The following SBF2 variants were observed in gnomAD, a reference collection of about 807,000 sequenced individuals.
SBF2 encodes SET binding factor 2.
Under a neutral mutation model 225.2 loss-of-function variants are expected in SBF2, and 112 were observed. The ratio of observed to expected loss-of-function variants is 0.50; its 90% CI spans 0.43 to 0.58. SBF2 has a LOEUF of 0.58. Ranked by LOEUF, SBF2 falls within the 20% of genes least tolerant of loss-of-function variation. The pLI is 0.00. For missense variants in SBF2, 1,996 were observed against 2,206.2 expected (o/e 0.90, Z 1.91); for synonymous variants, 763 against 773.3 (o/e 0.99, Z 0.22).
intron 2 of SBF2, among the ~76,000 whole-genome samples, chr11:10,153,013 T>C (rs1591078369): frequency 6.6e-6 from 1 of 152,208 alleles, no homozygotes; most frequent in Non-Finnish European, 1.5e-5. Flanking sequence ...GAGGCTTTCA[T>C]AGAAAAATAA....
Position 10,303,036 on chromosome 11 carries a change from GATCTGCGCGAAGAGCTTGACTCGC to G in SBF2, n.386+1432_386+1455del, listed in dbSNP as rs1216896749. 5.9e-5 allele frequency: 9 copies of G among 152,310 alleles called. No individual in the cohort carries two copies. Among genetic ancestry groups the G allele is most frequent in the African/African-American group, 2.2e-4 (9 of 41,474 alleles). 9.4% of individuals were successfully genotyped at this position (152,310 alleles called of 1,614,324 possible). On this transcript the variant is annotated intron_variant and non_coding_transcript_variant, in intron 1 of 5. Coordinates refer to the SBF2 transcript ENST00000685217. The surrounding 1 kb of genome is among the most constrained non-coding windows in gnomAD (Gnocchi z 5.2). The stretch of plus-strand genomic sequence containing the variant: ...TCAGAGCGACTGATAGCCAGTCCTG[GATCTGCGCGAAGAGCTTGACTCGC>G]AGAGGATAAAGTGAAAGGAAAAGGA...
At chr11:9,989,701 A>G (rs2134459802) in intron 12 of SBF2, 106 bp from the exon 13 acceptor site, 1 of 689,240 alleles carries the variant, frequency 1.5e-6, no homozygotes, top group South Asian at 1.8e-5. Flanking sequence ...CAACATATAC[A>G]TTATTTTTAA....
intron 1 of SBF2, among the ~76,000 whole-genome samples, chr11:10,300,351 T>C: frequency 6.6e-6 from 1 of 152,110 alleles, no homozygotes; most frequent in South Asian, 2.1e-4. Context: ...AAACTATCAA[T>C]TCATTCAGGC....
chr11:10,242,829 T>C (rs1959356505), intron 1 of SBF2, among the ~76,000 whole-genome samples: 1 of 152,136 alleles, frequency 6.6e-6, no homozygotes, highest in Non-Finnish European at 1.5e-5. Context: ...TAAAAGCTGC[T>C]AAATACATAA....
chr11:10,115,286 G>A (rs4910094), intron 2 of SBF2, among the ~76,000 whole-genome samples: 149,730 of 152,310 alleles, frequency 0.98, 73,644 homozygotes, highest in Middle Eastern at 1. Context: ...ATAAAGGAAT[G>A]CAATACATTG....
chr11:9,860,564 C>T (rs776734298), intron 17 of SBF2, among the ~76,000 whole-genome samples: 52 of 152,036 alleles, frequency 3.4e-4, no homozygotes, highest in Non-Finnish European at 4.4e-4. Flanking sequence ...CTCCTGGGCT[C>T]GAGTGATCCA....
intron 16 of SBF2, chr11:9,957,304 A>T (rs762495609): frequency 6.6e-6 from 1 of 151,564 alleles, no homozygotes; most frequent in Non-Finnish European, 1.5e-5. Flanking sequence ...GCAAATCAAC[A>T]ACTTTCAAGC....
intron 16 of SBF2, chr11:9,959,320 C>T (rs1866405051): frequency 1.3e-6 from 1 of 775,662 alleles, no homozygotes; most frequent in Non-Finnish European, 2.4e-6. Context: ...TCACATACTA[C>T]AGTTAAGATG....
intron 1 of SBF2, among the ~76,000 whole-genome samples, chr11:10,302,199 ATTTTTTTTTGTC>A: frequency 6.6e-6 from 1 of 151,746 alleles, no homozygotes; most frequent in East Asian, 1.9e-4. Context: ...CATTCTAGTG[ATTTTTTTTTGTC>A]GTTAACGATG....
intron 1 of SBF2, among the ~76,000 whole-genome samples, chr11:10,228,503 C>T (rs1186204873): frequency 6.6e-6 from 1 of 152,124 alleles, no homozygotes; most frequent in Non-Finnish European, 1.5e-5. Flanking sequence ...CCCATCAATA[C>T]CTAATTTATT....
At chr11:9,861,997 C>A (rs1284988516) in intron 17 of SBF2, among the ~76,000 whole-genome samples, 1 of 152,132 alleles carries the variant, frequency 6.6e-6, no homozygotes, top group African/African-American at 2.4e-5. Context: ...ACTAGGTGAG[C>A]ATTACAGCAG....
chr11:10,255,764 T>C (rs759286765), intron 1 of SBF2, among the ~76,000 whole-genome samples: 72 of 152,200 alleles, frequency 4.7e-4, no homozygotes, highest in Non-Finnish European at 8.1e-4. Flanking sequence ...ATTCAAATTA[T>C]AGAAAGAAAA....
intron 2 of SBF2, among the ~76,000 whole-genome samples, chr11:10,173,018 A>C (rs1956272277): frequency 6.6e-6 from 1 of 152,114 alleles, no homozygotes; most frequent in African/African-American, 2.4e-5. Context: ...TCAGCAGCAT[A>C]TTGTTTAATT....
At chr11:9,970,229 C>T (rs60362241) in intron 13 of SBF2, among the ~76,000 whole-genome samples, 7 of 149,368 alleles carry the variant, frequency 4.7e-5, no homozygotes, top group Admixed American at 4.7e-4. Context: ...TTTTTTTAGA[C>T]GCAGTCTTGC....
rs559592126 is a variant in SBF2 at position 10,046,637 on chromosome 11, A to T, written c.142-3656T>A. ...CTCAACTTGATAAAGAATATCTTTT[A>T]AAAAAAAAAAACTCCTATGGCTAGT... On this transcript the variant is annotated intron_variant, in intron 2 of 39. Coordinates refer to ENST00000256190, the MANE Select transcript of SBF2 (RefSeq NM_030962.4). Among the ~76,000 whole-genome samples, 515 of 142,876 alleles carry T rather than the reference A, an allele frequency of 3.6e-3. 2 individuals carry two copies. The highest frequency in any genetic ancestry group is 0.012 in the African/African-American group (471 of 39,850). The allele number at this position is 142,876 out of a possible 152,430, so 93.7% of individuals were successfully genotyped here.
intron 2 of SBF2, among the ~76,000 whole-genome samples, chr11:10,129,830 C>T (rs1953944806): frequency 6.6e-6 from 1 of 151,832 alleles, no homozygotes; most frequent in Non-Finnish European, 1.5e-5. Flanking sequence ...ATAGCGAGAC[C>T]CCCATCTCTA....
intron 6 of SBF2, among the ~76,000 whole-genome samples, chr11:10,003,021 CTGTT>C (rs1474717593): frequency 3.9e-5 from 6 of 152,196 alleles, no homozygotes; most frequent in Admixed American, 2.0e-4. Context: ...CCTGCAGAGT[CTGTT>C]TGTCTGACGT....
intron 2 of SBF2, among the ~76,000 whole-genome samples, chr11:10,117,375 G>C (rs905288845): frequency 5.3e-5 from 8 of 150,876 alleles, no homozygotes; most frequent in African/African-American, 2.0e-4. Context: ...CAGGAGGTGG[G>C]GGTTGCAGTG....
intron 2 of SBF2, among the ~76,000 whole-genome samples, chr11:10,077,583 T>A (rs190214390): frequency 6.6e-6 from 1 of 152,222 alleles, no homozygotes; most frequent in Non-Finnish European, 1.5e-5. Flanking sequence ...TGGCAAGCCA[T>A]ATGCAGAAAG....
Sources: gnomAD v4.1 joint callset for allele counts (sites outside exome capture counted in the v4.1 genomes callset) on GRCh38, gnomAD v4.1.1 for gene constraint, Gnocchi (gnomAD v3.1) non-coding constraint, MANE v1.5 for transcripts, NCBI Gene and HGNC (gene_info 2026-07-23, HGNC 2026-07-21) for gene names.